The following RNF103 variants were observed in gnomAD, a reference collection of about 807,000 sequenced individuals.
RNF103 encodes the protein ring finger protein 103, also known as E3 ubiquitin-protein ligase RNF103.
A neutral mutation model predicts 66.2 loss-of-function variants in RNF103; 23 were observed. The observed-to-expected ratio is 0.35, with a 90% CI of 0.25 to 0.49. RNF103 has a LOEUF of 0.49. RNF103 is among the 20% of genes least tolerant of loss of function. The pLI, the probability that RNF103 is intolerant of heterozygous loss-of-function variation, is 0.98. For missense variants in RNF103, 730 were observed against 814.7 expected, an observed-to-expected ratio of 0.90 and a Z score of 1.27; for synonymous variants, 297 against 289.9, an observed-to-expected ratio of 1.02 and a Z score of -0.25.
In RNF103 at chr2:86,604,557, A is replaced by G; in HGVS notation, c.1344T>C (p.Asn448=). ...RRRNNNNDEV[N]ANNLEWLSSL... ...TTGATAACCATTCTAAGTTATTGGC[A>G]TTGACTTCATCATTGTTGTTGTTGC... is the stretch of plus-strand genomic sequence containing the variant. Residue 448 remains asparagine, a synonymous_variant, in exon 4 of 4, where the codon AAT becomes AAC. Coordinates refer to ENST00000237455, the MANE Select transcript of RNF103 (RefSeq NM_005667.4). The G allele has an allele frequency of 4.3e-6, 7 of 1,614,196 alleles. No individual in the cohort carries two copies. The highest frequency in any genetic ancestry group is 5.9e-6 in the Non-Finnish European group (7 of 1,180,028).
intron 2 of RNF103, 103 bp from the exon 3 acceptor site, chr2:86,612,377 T>G (rs770688039): frequency 1.5e-5 from 10 of 658,920 alleles, no homozygotes; most frequent in African/African-American, 3.7e-5. Context: ...AAAGATATTC[T>G]GTTCCCAGTT....
intron 3 of RNF103, among the ~76,000 whole-genome samples, chr2:86,606,454 G>A (rs977180917): frequency 1.3e-5 from 2 of 152,138 alleles, no homozygotes; most frequent in African/African-American, 4.8e-5. Flanking sequence ...CACAAAGTCA[G>A]GAGATTGAGA....
chr2:86,604,515 G>A lies in RNF103; in HGVS notation c.1386C>T (p.Tyr462=). Residue 462 remains tyrosine (Y), a synonymous_variant, in exon 4 of 4, where the codon TAC becomes TAT. Transcript: ENST00000237455. ...LEWLSSLWDW[Y]TSYLFHPIAS... ...CAATCGGGTGGAAGAGGTAGCTGGT[G>A]TACCAGTCCCACAGACTTGATAACC... is the stretch of plus-strand genomic sequence containing the variant. The A allele has an allele frequency of 6.2e-7, 1 of 1,614,228 alleles. No homozygotes were observed. The highest frequency in any genetic ancestry group is 8.5e-7 in the Non-Finnish European group (1 of 1,180,048).
At chr2:86,610,896 T>C (rs1678763416) in intron 3 of RNF103, among the ~76,000 whole-genome samples, 2 of 152,106 alleles carry the variant, frequency 1.3e-5, no homozygotes, top group Admixed American at 1.3e-4. Flanking sequence ...ATGATTTCCT[T>C]TTCAAAAGAA....
At chr2:86,614,722 T>A in intron 2 of RNF103, 9 of 935,376 alleles carry the variant, frequency 9.6e-6, no homozygotes, top group Non-Finnish European at 1.1e-5. Context: ...CAAGAGTCAA[T>A]CTGGTAGTTC....
At chr2:86,614,821 C>G (rs1371498369) in intron 2 of RNF103, 1 of 984,478 alleles carries the variant, frequency 1.0e-6, no homozygotes, top group Non-Finnish European at 1.2e-6. Flanking sequence ...TACTACCATA[C>G]TCTCTACTCT....
intron 2 of RNF103, chr2:86,614,365 G>C (rs1411584981): frequency 6.6e-6 from 1 of 152,322 alleles, no homozygotes; most frequent in East Asian, 1.9e-4. Flanking sequence ...ACTTTTGGAG[G>C]CTGAGGCTGG....
In RNF103 at chr2:86,623,839, C is replaced by T; in HGVS notation, c.-953G>A. The T allele has an allele frequency of 7.8e-7, 1 of 1,287,878 alleles. No homozygotes were observed. Among genetic ancestry groups the T allele is most frequent in the Non-Finnish European group, 1.0e-6 (1 of 988,318 alleles). The allele number at this position is 1,287,878 out of a possible 1,614,324, so 79.8% of individuals were successfully genotyped here. On this transcript the variant is annotated 5_prime_UTR_variant, in exon 1 of 4. Transcript: ENST00000237455. ...ACCCTCCACAACCGTGTATCAGCGG[C>T]GGCCGCGGCCGGAGCCGAGACATAA...
chr2:86,606,281 GA>G (rs1471086632), intron 3 of RNF103, among the ~76,000 whole-genome samples: 1 of 152,064 alleles, frequency 6.6e-6, no homozygotes, highest in Non-Finnish European at 1.5e-5. Context: ...CTTCCTTTTG[GA>G]AACCTGTCTA....
chr2:86,612,583 T>A (rs1470307687), intron 2 of RNF103: 2 of 191,782 alleles, frequency 1.0e-5, no homozygotes, highest in Non-Finnish European at 1.1e-5. Context: ...TCTCTCTAAT[T>A]AAGTTACACA....
chr2:86,603,982 C>G lies in RNF103; in HGVS notation c.1919G>C (p.Gly640Ala). 1 of 1,614,086 alleles carries G rather than the reference C, an allele frequency of 6.2e-7. No homozygotes were observed. The highest frequency in any genetic ancestry group is 8.5e-7 in the Non-Finnish European group (1 of 1,180,026). Residue 640 changes from glycine (G) to alanine (A), a missense_variant, in exon 4 of 4, where the codon GGT becomes GCT. Gly to Ala is a moderately conservative substitution (Grantham distance 60). Coordinates refer to ENST00000237455, the MANE Select transcript of RNF103 (RefSeq NM_005667.4). ...NGCLLMGLPC[G>A]HVFHQNCIVM... ...AATGCAATTCTGATGAAACACATGA[C>G]CACAAGGCAACCCCATTAGCAAACA... is the stretch of plus-strand genomic sequence containing the variant.
intron 1 of RNF103, among the ~76,000 whole-genome samples, chr2:86,620,726 T>C (rs1316207043): frequency 3.3e-5 from 5 of 152,238 alleles, no homozygotes; most frequent in Non-Finnish European, 7.3e-5. Flanking sequence ...ACAGGGCTTA[T>C]ATTTTAGTGG....
chr2:86,604,434 G>A lies in RNF103; in HGVS notation c.1467C>T (p.Phe489=). ...ESDWDEDPDL[F]LERLAFPDLW... is the part of the protein sequence containing the mutation. ...GGTCAGGGAAAGCTAAGCGCTCCAAGAATAAGTCAGGGTCTTCGTCCCAAT... is the reference window on the plus strand; with the variant it reads ...GGTCAGGGAAAGCTAAGCGCTCCAAAAATAAGTCAGGGTCTTCGTCCCAAT... The change falls in exon 4 of 4, where the codon TTC becomes TTT. Residue 489 remains phenylalanine (F), a synonymous_variant. Transcript: ENST00000237455. The A allele has an allele frequency of 6.8e-6, 11 of 1,614,224 alleles. No homozygotes were observed. Among genetic ancestry groups the A allele is most frequent in the Non-Finnish European group, 9.3e-6 (11 of 1,180,042 alleles).
At chr2:86,614,896 TA>T in intron 2 of RNF103, 1 of 985,420 alleles carries the variant, frequency 1.0e-6, no homozygotes, top group Non-Finnish European at 1.2e-6. Context: ...AGGTTGCAAA[TA>T]ACCCAAACAT....
At position 86,605,422 on chromosome 2, in the gene RNF103, C is replaced by T. The variant is rs746690084; in HGVS notation, c.483-4G>A. The T allele has an allele frequency of 1.3e-6, 2 of 1,588,092 alleles. No individual in the cohort carries two copies. Among genetic ancestry groups the T allele is most frequent in the Non-Finnish European group, 1.7e-6 (2 of 1,169,738 alleles). The stretch of plus-strand genomic sequence containing the variant: ...CCAGCCTCTTCTCCTGCAATATCTA[C>T]AAGAGAGGAAACTGTAAATAAACAG... On this transcript the variant is annotated splice_region_variant and splice_polypyrimidine_tract_variant and intron_variant, in intron 3 of 3. Transcript: ENST00000237455.
At chr2:86,605,846 T>C (rs918477598) in intron 3 of RNF103, among the ~76,000 whole-genome samples, 4 of 152,202 alleles carry the variant, frequency 2.6e-5, no homozygotes, top group Admixed American at 1.3e-4. Flanking sequence ...CTGGTGCAGA[T>C]TTCATGAATG....
chr2:86,620,502 T>G, intron 1 of RNF103, 33 bp from the exon 2 acceptor site: 2 of 1,502,938 alleles, frequency 1.3e-6, no homozygotes, highest in Non-Finnish European at 1.8e-6. Context: ...ACTAATAAGG[T>G]TGCAAGAATC....
chr2:86,622,181 C>A (rs557592694), intron 1 of RNF103, among the ~76,000 whole-genome samples: 1 of 152,260 alleles, frequency 6.6e-6, no homozygotes, highest in East Asian at 1.9e-4. Context: ...CATGATTTAA[C>A]ATTTAAATCC....
chr2:86,609,803 G>T (rs1332025753), intron 3 of RNF103, among the ~76,000 whole-genome samples: 1 of 152,196 alleles, frequency 6.6e-6, no homozygotes, highest in Non-Finnish European at 1.5e-5. Context: ...CCACCCCAGA[G>T]AAGGGACTAC....
Sources: gnomAD v4.1 joint callset for allele counts (sites outside exome capture counted in the v4.1 genomes callset) on GRCh38, gnomAD v4.1.1 for gene constraint, MANE v1.5 for transcripts, NCBI Gene and HGNC (gene_info 2026-07-23, HGNC 2026-07-21) for gene names.